RABL2B: variants seen among roughly 807,000 people sequenced by gnomAD.
RABL2B encodes RAB, member of RAS oncogene family like 2B.
RABL2B carries 17 observed loss-of-function variants against 26.7 expected under a neutral mutation model. The observed-to-expected ratio is 0.64, with a 90% CI of 0.44 to 0.95. RABL2B has a LOEUF of 0.95. Ranked by LOEUF, RABL2B falls within the 40% of genes least tolerant of loss-of-function variation. The pLI is 0.00. For synonymous variants in RABL2B, 70 were observed against 103.9 expected, an observed-to-expected ratio of 0.67 and a Z score of 1.99; for missense variants, 170 against 277.2, an observed-to-expected ratio of 0.61 and a Z score of 2.75.
In RABL2B at chr22:50,777,203, T is replaced by TA. The variant is rs538734183; in HGVS notation, c.138-455_138-454insT. On this transcript the variant is annotated intron_variant, in intron 3 of 8. Transcript: ENST00000691320. ...TGTCAATCAATTTGGAGTCTGTCTA[T>TA]GTGTGAAACCCTGAGAAAAAGGGTT... Among the ~76,000 whole-genome samples the TA allele has an allele frequency of 1.5e-3, 227 of 152,318 alleles. No homozygotes were observed. The Middle Eastern group carries it at 0.017, about 11-fold the overall frequency.
At chr22:50,772,517 C>T (rs1435494476) in intron 5 of RABL2B, 1 of 990,886 alleles carries the variant, frequency 1.0e-6, no homozygotes, top group Non-Finnish European at 1.2e-6. Context: ...TACAGACAAC[C>T]ACCACCCTGT....
At chr22:50,778,615 T>G (rs1283027802) in intron 2 of RABL2B, among the ~76,000 whole-genome samples, 3 of 151,942 alleles carry the variant, frequency 2.0e-5, no homozygotes, top group African/African-American at 2.4e-5. Context: ...GGTTCCCCAT[T>G]TCTTTCAGTT....
intron 2 of RABL2B, among the ~76,000 whole-genome samples, chr22:50,779,756 G>C (rs2085511622): frequency 1.3e-5 from 2 of 152,176 alleles, no homozygotes; most frequent in East Asian, 3.9e-4. Flanking sequence ...GGCCAAGGCA[G>C]ACAGATCACT....
At chr22:50,774,183 C>T (rs1555921477) in intron 5 of RABL2B, among the ~76,000 whole-genome samples, 1 of 152,336 alleles carries the variant, frequency 6.6e-6, no homozygotes, top group Non-Finnish European at 1.5e-5. Flanking sequence ...GCGTGAGCCA[C>T]CGCGCCCGGC....
At chr22:50,777,070 C>G (rs1265303173) in intron 3 of RABL2B, among the ~76,000 whole-genome samples, 5 of 152,168 alleles carry the variant, frequency 3.3e-5, no homozygotes, top group Admixed American at 6.5e-5. Context: ...GATACCCCAA[C>G]TCAATCATGG....
intron 3 of RABL2B, chr22:50,777,596 G>C (rs373367700): frequency 0.13 from 43,145 of 339,310 alleles, 3,201 homozygotes; most frequent in African/African-American, 0.22. Context: ...ATAGTAGGGG[G>C]CCCAAGCTTT....
intron 3 of RABL2B, among the ~76,000 whole-genome samples, chr22:50,777,359 T>G (rs1226323754): frequency 6.7e-6 from 1 of 149,696 alleles, no homozygotes; most frequent in Non-Finnish European, 1.5e-5. Flanking sequence ...ACTCAGATCT[T>G]AAGGCAACTG....
chr22:50,768,863 C>T lies in RABL2B; in HGVS notation c.603G>A (p.Leu201=), dbSNP rs781853676. 1.2e-6 allele frequency: 2 copies of T among 1,612,750 alleles called. No individual in the cohort carries two copies. Among genetic ancestry groups the T allele is most frequent in the East Asian group, 4.5e-5 (2 of 44,834 alleles). ...EIFQELENFS[L]EQEEEDVPDQ... ...CTGGCACGTCCTCCTCTTCCTGCTC[C>T]AAGCTGAAGTTCTGTGAACAAGGTC... Residue 201 remains leucine, a synonymous_variant, in exon 9 of 9, where the codon TTG becomes TTA. Transcript: ENST00000691320.
chr22:50,769,910 A>G lies in RABL2B; in HGVS notation c.404T>C (p.Ile135Thr), dbSNP rs782565735. 6.2e-7 allele frequency: 1 copy of G among 1,613,158 alleles called. No individual in the cohort carries two copies. Among genetic ancestry groups the G allele is most frequent in the African/African-American group, 1.3e-5 (1 of 74,728 alleles). ...EIPCIVVANK[I>T]DADINVTQKS... ...AGGTGCAGGGATGGCCCCACCATCA[A>G]TTTTATTGGCCACCACGATGCATGG... The change falls in exon 6 of 9, where the codon ATT becomes ACT. Residue 135 changes from isoleucine to threonine, a missense_variant. By Grantham distance (89) the Ile-to-Thr change is moderately conservative. Coordinates refer to ENST00000691320, the MANE Select transcript of RABL2B (RefSeq NM_001130919.3).
At chr22:50,782,044 C>G (rs529517232) in intron 2 of RABL2B, 144 bp downstream of exon 2, 9 of 1,535,274 alleles carry the variant, frequency 5.9e-6, no homozygotes, top group East Asian at 2.3e-5. Flanking sequence ...TGATTCCCCT[C>G]GTTCCCCCAT....
chr22:50,780,203 G>A (rs1329627405), intron 2 of RABL2B, among the ~76,000 whole-genome samples: 2 of 150,614 alleles, frequency 1.3e-5, no homozygotes, highest in African/African-American at 2.5e-5. Flanking sequence ...AGAGCCCTGA[G>A]TGGAATCAAG....
intron 5 of RABL2B, among the ~76,000 whole-genome samples, chr22:50,774,651 G>A (rs2084696153): frequency 6.7e-6 from 1 of 150,136 alleles, no homozygotes; most frequent in East Asian, 1.9e-4. Flanking sequence ...TTGTGTTAAA[G>A]CAAGACCTTG....
intron 1 of RABL2B, 113 bp from the exon 2 acceptor site, chr22:50,782,460 T>C: frequency 6.8e-7 from 1 of 1,468,558 alleles, no homozygotes; most frequent in South Asian, 1.3e-5. Flanking sequence ...AGATATGGTA[T>C]GCAATTGACT....
chr22:50,774,577 A>C (rs1178086075), intron 5 of RABL2B, among the ~76,000 whole-genome samples: 3 of 149,046 alleles, frequency 2.0e-5, no homozygotes, highest in Non-Finnish European at 4.5e-5. Flanking sequence ...CTTAGCTGAG[A>C]CTTCAGACAT....
At chr22:50,773,270 C>T (rs1203356464) in intron 5 of RABL2B, among the ~76,000 whole-genome samples, 2 of 152,230 alleles carry the variant, frequency 1.3e-5, no homozygotes, top group Non-Finnish European at 2.9e-5. Flanking sequence ...AGTGCCTTAA[C>T]AGTTATCAGA....
At chr22:50,775,002 C>T (rs2084760194) in intron 5 of RABL2B, among the ~76,000 whole-genome samples, 1 of 152,238 alleles carries the variant, frequency 6.6e-6, no homozygotes, top group Admixed American at 6.5e-5. Context: ...TGGTCTCAAA[C>T]TGCTGACCTC....
chr22:50,778,612 CA>C (rs2085337821), intron 2 of RABL2B, among the ~76,000 whole-genome samples: 1 of 151,980 alleles, frequency 6.6e-6, no homozygotes, highest in Non-Finnish European at 1.5e-5. Context: ...AGTGGTTCCC[CA>C]TTTCTTTCAG....
chr22:50,770,342 TC>T (rs2083955840), intron 5 of RABL2B: 1 of 326,320 alleles, frequency 3.1e-6, no homozygotes, highest in African/African-American at 2.2e-5. Flanking sequence ...ATGGTGAAAT[TC>T]CGTCTCTACT....
chr22:50,782,139 C>T, intron 2 of RABL2B, 49 bp downstream of exon 2: 10 of 1,175,536 alleles, frequency 8.5e-6, no homozygotes, highest in Non-Finnish European at 1.2e-5. Flanking sequence ...TTTTAAATGA[C>T]CTGGACCCTC....
Sources: gnomAD v4.1 joint callset for allele counts (sites outside exome capture counted in the v4.1 genomes callset) on GRCh38, gnomAD v4.1.1 for gene constraint, MANE v1.5 for transcripts, NCBI Gene and HGNC (gene_info 2026-07-23, HGNC 2026-07-21) for gene names.